Variants in ADAMTSL1 observed in about 807,000 individuals in gnomAD.
ADAMTSL1 encodes ADAMTS-like protein 1.
A neutral mutation model predicts 201.8 loss-of-function variants in ADAMTSL1; 126 were observed. That is an observed-to-expected ratio of 0.62 (90% CI 0.54 to 0.72). The LOEUF is 0.72. ADAMTSL1 is among the 30% of genes least tolerant of loss of function. The pLI is 0.00. For missense variants in ADAMTSL1, 2,679 were observed against 2,277.8 expected (o/e 1.18, Z -3.59); for synonymous variants, 1,121 against 903.4 (o/e 1.24, Z -4.32).
At chr9:18,178,954 C>T (rs990430742) in intron 2 of ADAMTSL1, among the ~76,000 whole-genome samples, 2 of 152,140 alleles carry the variant, frequency 1.3e-5, no homozygotes, top group African/African-American at 4.8e-5. Flanking sequence ...ACTGGAAACT[C>T]TAAAAAGCAG....
chr9:18,898,093 G>A (rs908064920), intron 26 of ADAMTSL1, among the ~76,000 whole-genome samples: 20 of 152,258 alleles, frequency 1.3e-4, no homozygotes, highest in African/African-American at 4.8e-4. Flanking sequence ...GGAGGCTGAG[G>A]CAGGAGAATC....
chr9:18,254,033 T>C (rs1831572477), intron 2 of ADAMTSL1, among the ~76,000 whole-genome samples: 1 of 152,152 alleles, frequency 6.6e-6, no homozygotes, highest in African/African-American at 2.4e-5. Flanking sequence ...ATCATCGTGT[T>C]TGGGAGGCAG....
chr9:18,684,651 AT>A, intron 12 of ADAMTSL1, 64 bp from the exon 13 acceptor site: 1 of 1,529,196 alleles, frequency 6.5e-7, no homozygotes, highest in Non-Finnish European at 8.8e-7. Context: ...AGAATAAGGA[AT>A]TTTCCTAAAA....
intron 1 of ADAMTSL1, among the ~76,000 whole-genome samples, chr9:17,984,539 A>T (rs1411330444): frequency 1.3e-5 from 2 of 152,140 alleles, no homozygotes; most frequent in East Asian, 3.9e-4. Flanking sequence ...GTTATTTCCA[A>T]ATTTTTCTGT....
chr9:18,794,586 C>T (rs1258769616), intron 19 of ADAMTSL1, among the ~76,000 whole-genome samples: 1 of 151,882 alleles, frequency 6.6e-6, no homozygotes, highest in East Asian at 1.9e-4. Flanking sequence ...TCTCTTCTAC[C>T]TGCAAACCTG....
chr9:18,034,681 G>T (rs1037312911), intron 1 of ADAMTSL1, among the ~76,000 whole-genome samples: 1 of 151,896 alleles, frequency 6.6e-6, no homozygotes, highest in Non-Finnish European at 1.5e-5. Context: ...TGTGTCATTC[G>T]TGCCTTCATT....
At chr9:17,916,893 A>T (rs1033438077) in intron 1 of ADAMTSL1, among the ~76,000 whole-genome samples, 3 of 152,134 alleles carry the variant, frequency 2.0e-5, no homozygotes, top group Non-Finnish European at 4.4e-5. Flanking sequence ...ACTAATACTG[A>T]GTTTCATGAC....
chr9:18,440,829 C>T (rs976893796), intron 2 of ADAMTSL1, among the ~76,000 whole-genome samples: 3 of 152,026 alleles, frequency 2.0e-5, no homozygotes, highest in African/African-American at 7.2e-5. Context: ...AATTTCTTAA[C>T]TTCAAAATCT....
intron 1 of ADAMTSL1, among the ~76,000 whole-genome samples, chr9:17,933,792 G>A (rs1238652044): frequency 1.3e-5 from 2 of 152,068 alleles, no homozygotes; most frequent in East Asian, 1.9e-4. Context: ...AACAGCAAGG[G>A]AGAAATCCAC....
intron 2 of ADAMTSL1, among the ~76,000 whole-genome samples, chr9:18,192,796 A>T (rs996388020): frequency 2.6e-5 from 4 of 152,144 alleles, no homozygotes; most frequent in African/African-American, 7.2e-5. Flanking sequence ...GAAAGAAAAG[A>T]CTGGCCAACT....
At chr9:18,114,910 G>A (rs1400419466) in intron 1 of ADAMTSL1, among the ~76,000 whole-genome samples, 1 of 152,198 alleles carries the variant, frequency 6.6e-6, no homozygotes, top group Non-Finnish European at 1.5e-5. Context: ...TTTAAGGTAA[G>A]TCAAGAGAGT....
intron 1 of ADAMTSL1, among the ~76,000 whole-genome samples, chr9:17,907,544 C>A (rs1376915593): frequency 6.6e-6 from 1 of 152,120 alleles, no homozygotes; most frequent in Non-Finnish European, 1.5e-5. Context: ...TGACCATACC[C>A]CCTCCGAATC....
At chr9:18,048,467 G>A (rs1821773683) in intron 1 of ADAMTSL1, among the ~76,000 whole-genome samples, 1 of 152,150 alleles carries the variant, frequency 6.6e-6, no homozygotes, top group South Asian at 2.1e-4. Flanking sequence ...TATATAGATA[G>A]TGGCTCATTA....
chr9:18,668,757 G>C (rs150071353), intron 9 of ADAMTSL1, among the ~76,000 whole-genome samples: 1 of 152,190 alleles, frequency 6.6e-6, no homozygotes, highest in African/African-American at 2.4e-5. Context: ...TTGAGAAACA[G>C]ACTGGTAAAA....
In ADAMTSL1 at chr9:18,777,061, C is replaced by T; in HGVS notation, c.2832C>T (p.Val944=). The change falls in exon 19 of 29, where the codon GTC becomes GTT. Residue 944 remains valine (V), a synonymous_variant. Transcript: ENST00000380548. The part of the protein sequence containing the change: ...IHRLKPSDAG[V]YTCSAGPARE... ...GCCTCAAGCCCTCGGATGCAGGCGT[C>T]TACACCTGCTCAGCGGGCCCGGCCC... 6.2e-7 allele frequency: 1 copy of T among 1,613,384 alleles called. No homozygotes were observed. Among genetic ancestry groups the T allele is most frequent in the Non-Finnish European group, 8.5e-7 (1 of 1,179,780 alleles).
At chr9:18,849,267 A>G (rs1240332135) in intron 23 of ADAMTSL1, among the ~76,000 whole-genome samples, 1 of 152,026 alleles carries the variant, frequency 6.6e-6, no homozygotes, top group Non-Finnish European at 1.5e-5. Flanking sequence ...TTCTATTCTA[A>G]TTGTAGCTTT....
At chr9:18,624,984 A>G (rs1009178057) in intron 5 of ADAMTSL1, among the ~76,000 whole-genome samples, 1 of 152,228 alleles carries the variant, frequency 6.6e-6, no homozygotes, top group African/African-American at 2.4e-5. Context: ...ACCACAATCT[A>G]TAGCAGATGC....
intron 2 of ADAMTSL1, among the ~76,000 whole-genome samples, chr9:18,384,912 A>G (rs967283584): frequency 6.6e-6 from 1 of 152,124 alleles, no homozygotes; most frequent in African/African-American, 2.4e-5. Context: ...TGCCTTGTAA[A>G]CATCTTGCAG....
At chr9:18,646,407 C>A (rs1827815007) in intron 7 of ADAMTSL1, among the ~76,000 whole-genome samples, 1 of 151,874 alleles carries the variant, frequency 6.6e-6, no homozygotes, top group African/African-American at 2.4e-5. Flanking sequence ...ATTGCCCTGG[C>A]CAGAACTTCC....
Sources: allele counts gnomAD v4.1 joint callset (sites outside exome capture counted in the v4.1 genomes callset), GRCh38; gene constraint gnomAD v4.1.1; transcripts MANE v1.5; gene names NCBI Gene and HGNC (gene_info 2026-07-23, HGNC 2026-07-21).